The following TBX1 variants were observed in gnomAD, a reference collection of about 807,000 sequenced individuals.
TBX1 encodes the protein T-box transcription factor TBX1.
In TBX1, 16 loss-of-function variants were observed where a neutral mutation model predicts 40.8. The observed-to-expected ratio is 0.39, with a 90% CI of 0.27 to 0.60. TBX1 has a LOEUF of 0.60. Ranked by LOEUF, TBX1 falls within the 20% of genes least tolerant of loss-of-function variation. The pLI is 0.51. For synonymous variants in TBX1, 403 were observed against 336.8 expected (o/e 1.20, Z -2.15); for missense variants, 755 against 728.5 (o/e 1.04, Z -0.42).
At position 19,764,804 on chromosome 22, in the gene TBX1, C is replaced by T. The variant is rs570561727; in HGVS notation, c.712-154C>T. ...CCAATGGGTCACAGCCTCCTCTTGG[C>T]CCAGTGACCCAGCCTCATCTTGGAA... On this transcript the variant is annotated intron_variant, in intron 3 of 6. Transcript: ENST00000649276. Among the ~76,000 whole-genome samples, 282 of 152,300 alleles carry T rather than the reference C, an allele frequency of 1.9e-3. 1 individual carries two copies. Among genetic ancestry groups the T allele is most frequent in the African/African-American group, 6.7e-3 (277 of 41,554 alleles).
At chr22:19,762,900 C>A (rs901091654) in intron 1 of TBX1, among the ~76,000 whole-genome samples, 1 of 152,180 alleles carries the variant, frequency 6.6e-6, no homozygotes, top group South Asian at 2.1e-4. Flanking sequence ...CACCCTGCTG[C>A]CGGCCGAAGC....
At chr22:19,771,247 A>G (rs41300444), downstream of TBX1, among the ~76,000 whole-genome samples, 1,764 of 152,352 alleles carry the variant, frequency 0.012, 27 homozygotes, top group South Asian at 0.043. Flanking sequence ...GTGGCACCCA[A>G]GCCTAGGGAG....
chr22:19,774,369 C>T (rs1484883307), intron 8 of TBX1, among the ~76,000 whole-genome samples: 1 of 152,210 alleles, frequency 6.6e-6, no homozygotes, highest in Admixed American at 6.5e-5. Context: ...GCTACGATCA[C>T]ACCACTCCAC....
At chr22:19,773,920 A>T (rs1937027547) in intron 8 of TBX1, among the ~76,000 whole-genome samples, 3 of 152,186 alleles carry the variant, frequency 2.0e-5, no homozygotes, top group Admixed American at 2.0e-4. Context: ...GACTGGAGGG[A>T]AGCAGTGGCT....
chr22:19,769,614 C>G (rs1936954583), downstream of TBX1, among the ~76,000 whole-genome samples: 1 of 152,258 alleles, frequency 6.6e-6, no homozygotes. Flanking sequence ...GGCTGTCTGG[C>G]TGATGCCCCA....
intron 2 of TBX1, chr22:19,763,572 C>G (rs977244575): frequency 3.0e-5 from 17 of 575,028 alleles, no homozygotes; most frequent in African/African-American, 2.8e-4. Context: ...GCAGACAGCT[C>G]TTGCTCCCCT....
At chr22:19,764,088 C>G in intron 2 of TBX1, 67 bp from the exon 3 acceptor site, 1 of 1,584,866 alleles carries the variant, frequency 6.3e-7, no homozygotes, top group South Asian at 1.1e-5. Context: ...TAGGGTTCGC[C>G]CAGCACACGG....
intron 1 of TBX1, 119 bp from the exon 2 acceptor site, chr22:19,763,122 G>T: frequency 2.5e-6 from 2 of 789,904 alleles, no homozygotes; most frequent in South Asian, 1.4e-5. Flanking sequence ...GGGCTGGGAC[G>T]ACACAGCAGC....
At chr22:19,777,291 A>G (rs375963941) in intron 8 of TBX1, among the ~76,000 whole-genome samples, 2 of 150,036 alleles carry the variant, frequency 1.3e-5, no homozygotes, top group East Asian at 2.0e-4. Flanking sequence ...ATTCCCACCT[A>G]TGAGTGAGAA....
chr22:19,766,198 C>T (rs1936836086), intron 6 of TBX1, 191 bp from the exon 7 acceptor site: 1 of 913,208 alleles, frequency 1.1e-6, no homozygotes, highest in Admixed American at 5.8e-5. Flanking sequence ...CCGCCGCCGC[C>T]CGCAGAGGGG....
In TBX1 at chr22:19,765,774, T is replaced by C. The variant is rs776751131; in HGVS notation, c.884T>C (p.Ile295Thr). ...TCCCTGCAGATCACGCAGCTCAAGA[T>C]TGCCAGCAATCCCTTCGCGAAAGGC... ...YQNHRITQLK[I>T]ASNPFAKGFR... Residue 295 changes from isoleucine (I) to threonine (T), a missense_variant, in exon 5 of 7, where the codon ATT (isoleucine) becomes ACT (threonine). Around this residue, in one of 3 missense-constraint regions of TBX1, gnomAD observed 144 missense variants for 238.0 expected, o/e 0.61. Transcript: ENST00000649276. 6.2e-7 allele frequency: 1 copy of C among 1,611,946 alleles called. No individual in the cohort carries two copies. Among genetic ancestry groups the C allele is most frequent in the East Asian group, 2.2e-5 (1 of 44,802 alleles).
At chr22:19,763,893 A>G (rs1236805206) in intron 2 of TBX1, among the ~76,000 whole-genome samples, 7 of 151,958 alleles carry the variant, frequency 4.6e-5, no homozygotes, top group Middle Eastern at 3.2e-3. Flanking sequence ...CAGCGAAATG[A>G]GATGGCAGGA....
downstream of TBX1, among the ~76,000 whole-genome samples, chr22:19,767,998 C>T (rs1936918293): frequency 6.6e-6 from 1 of 152,212 alleles, no homozygotes; most frequent in Non-Finnish European, 1.5e-5. Context: ...GTGTATGAAG[C>T]ATTTTTCCCA....
downstream of TBX1, chr22:19,782,834 C>T (rs41298846): frequency 3.4e-4 from 542 of 1,612,490 alleles, no homozygotes; most frequent in African/African-American, 6.0e-3. Flanking sequence ...AAGGACAAGC[C>T]TTATTTGATA....
In TBX1 at chr22:19,778,748, A is replaced by G. The variant is rs41298000; in HGVS notation, c.1010-472A>G. Among the ~76,000 whole-genome samples the G allele has an allele frequency of 1.0e-2, 1,516 of 152,032 alleles. 19 individuals are homozygous for G. The highest frequency in any genetic ancestry group is 0.046 in the South Asian group (220 of 4,802). On this transcript the variant is annotated intron_variant, in intron 8 of 8. Transcript: ENST00000329705. ...CCGTGTCCAGCCCCTTTGAAACCCC[A>G]TCTCTACTAAAAATATAAAAGTTAG... is the stretch of plus-strand genomic sequence containing the variant.
At chr22:19,776,507 C>T (rs1323530006) in intron 8 of TBX1, among the ~76,000 whole-genome samples, 1 of 152,168 alleles carries the variant, frequency 6.6e-6, no homozygotes, top group Non-Finnish European at 1.5e-5. Context: ...AGGATCACCT[C>T]GGAGATGGGT....
chr22:19,761,661 C>A (rs1037218359), intron 1 of TBX1, among the ~76,000 whole-genome samples: 1 of 152,216 alleles, frequency 6.6e-6, no homozygotes, highest in Non-Finnish European at 1.5e-5. Flanking sequence ...CCTCACCGCC[C>A]GGCCGACTCC....
chr22:19,763,372 C>T (rs374329157), intron 2 of TBX1, 30 bp downstream of exon 2: 21 of 1,606,010 alleles, frequency 1.3e-5, no homozygotes, highest in South Asian at 7.7e-5. Context: ...CGTGAGGGAC[C>T]GGGAGGGCAC....
chr22:19,771,429 G>C (rs1936988417), downstream of TBX1, among the ~76,000 whole-genome samples: 1 of 152,242 alleles, frequency 6.6e-6, no homozygotes, highest in African/African-American at 2.4e-5. Context: ...ACCGCTGCCA[G>C]GTCTGTGTGT....
Sources: allele counts gnomAD v4.1 joint callset (sites outside exome capture counted in the v4.1 genomes callset), GRCh38; gene constraint gnomAD v4.1.1; regional missense constraint gnomAD v4.1.1; transcripts MANE v1.5; gene names NCBI Gene and HGNC (gene_info 2026-07-23, HGNC 2026-07-21).